NFE2L3: variants seen among roughly 807,000 people sequenced by gnomAD.
The protein encoded by NFE2L3 is nuclear factor erythroid 2-related factor 3.
In NFE2L3, 18 loss-of-function variants were observed where a neutral mutation model predicts 23.5. That is an observed-to-expected ratio of 0.77 (90% CI 0.53 to 1.13). The LOEUF (loss-of-function observed/expected upper bound fraction) is 1.13, where lower values mean the gene tolerates loss of function less well. NFE2L3 is among the 50% of genes most tolerant of loss of function. The pLI is 0.00. For missense variants in NFE2L3, 1,152 were observed against 877.2 expected (o/e 1.31, Z -3.96); for synonymous variants, 424 against 354.5 (o/e 1.20, Z -2.20).
intron 1 of NFE2L3, among the ~76,000 whole-genome samples, chr7:26,165,118 A>T (rs1489007559): frequency 6.6e-6 from 1 of 152,148 alleles, no homozygotes; most frequent in Non-Finnish European, 1.5e-5. Flanking sequence ...CTTAGGATTG[A>T]CTTGGTAATG....
intron 1 of NFE2L3, among the ~76,000 whole-genome samples, chr7:26,177,540 C>G (rs1029905167): frequency 6.8e-4 from 104 of 152,074 alleles, no homozygotes; most frequent in Non-Finnish European, 9.9e-4. Context: ...GAGGTTGCAG[C>G]GAGCCAAGAT....
chr7:26,160,388 C>G (rs184260074), intron 1 of NFE2L3, among the ~76,000 whole-genome samples: 1 of 152,210 alleles, frequency 6.6e-6, no homozygotes, highest in East Asian at 1.9e-4. Context: ...AGAGGCAAGA[C>G]GTGATCTTTT....
intron 1 of NFE2L3, among the ~76,000 whole-genome samples, chr7:26,156,594 C>T (rs1034348611): frequency 6.6e-6 from 1 of 152,150 alleles, no homozygotes; most frequent in Non-Finnish European, 1.5e-5. Flanking sequence ...ATGCATTCTT[C>T]CAAGTAACAC....
At chr7:26,174,997 T>C (rs1784377440) in intron 1 of NFE2L3, 1 of 152,184 alleles carries the variant, frequency 6.6e-6, no homozygotes. Flanking sequence ...AGGACTTATC[T>C]GGGTAAATAA....
chr7:26,177,017 G>A (rs1241479870), intron 1 of NFE2L3, among the ~76,000 whole-genome samples: 1 of 32,388 alleles, frequency 3.1e-5, no homozygotes, highest in Non-Finnish European at 4.8e-5. Flanking sequence ...CCGGGCAGAG[G>A]CGCTCCTCAC....
chr7:26,169,935 C>CA lies in NFE2L3; in HGVS notation c.571-7997dup, dbSNP rs200025039. 3.8e-3 allele frequency among the ~76,000 whole-genome samples: 555 copies of CA among 145,610 alleles called. 5 individuals carry two copies. The highest frequency in any genetic ancestry group is 0.012 in the African/African-American group (462 of 39,948). ...CAACATGGCGAGACCCCGTCTCTAC[C>CA]AAAAAAAAAAATGCTTCTTAAGAGC... On this transcript the variant is annotated intron_variant, in intron 1 of 3. Transcript: ENST00000056233.
chr7:26,177,439 A>G (rs969748568), intron 1 of NFE2L3, among the ~76,000 whole-genome samples: 1 of 152,148 alleles, frequency 6.6e-6, no homozygotes, highest in Admixed American at 6.5e-5. Context: ...TCCACCAAAA[A>G]TACAAAAACC....
chr7:26,180,920 T>C (rs761122620), intron 2 of NFE2L3, among the ~76,000 whole-genome samples: 11 of 152,212 alleles, frequency 7.2e-5, no homozygotes, highest in Non-Finnish European at 1.6e-4. Flanking sequence ...GTTATCTCCA[T>C]GTTCCTAGCC....
chr7:26,171,224 A>T (rs891202246), intron 1 of NFE2L3, among the ~76,000 whole-genome samples: 5 of 152,222 alleles, frequency 3.3e-5, no homozygotes, highest in Non-Finnish European at 7.3e-5. Flanking sequence ...TGTTACAAGA[A>T]AAGATTAGAA....
At chr7:26,178,503 C>A (rs904134030) in intron 2 of NFE2L3, among the ~76,000 whole-genome samples, 9 of 152,154 alleles carry the variant, frequency 5.9e-5, no homozygotes, top group African/African-American at 2.2e-4. Flanking sequence ...AGCCGAGGAC[C>A]AACCCTACAG....
intron 1 of NFE2L3, among the ~76,000 whole-genome samples, chr7:26,177,225 C>T (rs1784428828): frequency 6.6e-6 from 1 of 152,244 alleles, no homozygotes; most frequent in Non-Finnish European, 1.5e-5. Context: ...GTAATTTTAG[C>T]ACTTTGGGAG....
At chr7:26,175,375 AAT>A (rs1359178287) in intron 1 of NFE2L3, among the ~76,000 whole-genome samples, 1 of 152,076 alleles carries the variant, frequency 6.6e-6, no homozygotes, top group African/African-American at 2.4e-5. Flanking sequence ...TAAATAAAGC[AAT>A]ATGTGTTTGT....
rs530339476 is a variant in NFE2L3 at position 26,162,508 on chromosome 7, T to A, written c.570+9440T>A. On this transcript the variant is annotated intron_variant, in intron 1 of 3. Coordinates refer to ENST00000056233, the MANE Select transcript of NFE2L3 (RefSeq NM_004289.7). ...ATAAGGAAAAATACAAAAAACATCATGTATTTTGAGGACCAGTTGGCCTAT... is the reference window on the plus strand; with the variant it reads ...ATAAGGAAAAATACAAAAAACATCAAGTATTTTGAGGACCAGTTGGCCTAT... 4.0e-4 allele frequency among the ~76,000 whole-genome samples: 61 copies of A among 152,234 alleles called. 1 individual carries two copies. The highest frequency in any genetic ancestry group is 1.4e-3 in the African/African-American group (59 of 41,542).
rs1562681806 is a variant in NFE2L3 at position 26,185,824 on chromosome 7, GTTCAGAAACTGATTA to G, written c.*44_*58del. The G allele has an allele frequency of 1.4e-6, 2 of 1,464,170 alleles. No homozygotes were observed. Among genetic ancestry groups the G allele is most frequent in the East Asian group, 4.7e-5 (2 of 42,836 alleles). The allele number at this position is 1,464,170 out of a possible 1,614,324, so 90.7% of individuals were successfully genotyped here. On this transcript the variant is annotated 3_prime_UTR_variant, in exon 4 of 4. Coordinates refer to ENST00000056233, the MANE Select transcript of NFE2L3 (RefSeq NM_004289.7). The stretch of plus-strand genomic sequence containing the variant: ...GGACTCTATTATGTGAAGTAGTAAT[GTTCAGAAACTGATTA>G]TTTGGATCAGAAACCATTGAAACTG...
rs553877932 is a variant in NFE2L3 at position 26,167,782 on chromosome 7, T to C, written c.571-10161T>C. On this transcript the variant is annotated intron_variant, in intron 1 of 3. Transcript: ENST00000056233. ...ACTAGGGCTAGCTGGTTTTGCTTTC[T>C]CTTGAAATCCGGATTGAGTTATTGG... is the stretch of plus-strand genomic sequence containing the variant. Among the ~76,000 whole-genome samples the C allele has an allele frequency of 3.9e-5, 6 of 152,278 alleles. No individual in the cohort carries two copies. The East Asian group carries it at 1.2e-3, about 29-fold the overall frequency.
At chr7:26,174,751 G>A (rs1562674479) in intron 1 of NFE2L3, 1 of 152,124 alleles carries the variant, frequency 6.6e-6, no homozygotes, top group Non-Finnish European at 1.5e-5. Flanking sequence ...CTGTGGTTTG[G>A]TGGGAAAAGG....
chr7:26,157,526 A>G (rs189531223), intron 1 of NFE2L3, among the ~76,000 whole-genome samples: 3 of 152,300 alleles, frequency 2.0e-5, no homozygotes, highest in African/African-American at 7.2e-5. Context: ...TTCAGAATAA[A>G]AAATAGTCCC....
chr7:26,156,856 T>C (rs902712494), intron 1 of NFE2L3, among the ~76,000 whole-genome samples: 10 of 152,082 alleles, frequency 6.6e-5, no homozygotes, highest in African/African-American at 2.4e-4. Context: ...CTCACACCTG[T>C]AATCCCAACA....
At chr7:26,174,764 G>A (rs1050440042) in intron 1 of NFE2L3, 3 of 152,164 alleles carry the variant, frequency 2.0e-5, no homozygotes, top group Admixed American at 6.5e-5. Context: ...GGAAAAGGAT[G>A]TGCCAGTGTG....
Sources: gnomAD v4.1 joint callset for allele counts (sites outside exome capture counted in the v4.1 genomes callset) on GRCh38, gnomAD v4.1.1 for gene constraint, MANE v1.5 for transcripts, NCBI Gene and HGNC (gene_info 2026-07-23, HGNC 2026-07-21) for gene names.